Variants in RABL3 observed in about 807,000 individuals in gnomAD.
RABL3 encodes the protein rab-like protein 3.
Under a neutral mutation model 31.8 loss-of-function variants are expected in RABL3, and 31 were observed. The observed-to-expected ratio is 0.97, with a 90% CI of 0.73 to 1.31. The LOEUF is 1.31. RABL3 is among the 40% of genes most tolerant of loss of function. RABL3 has a pLI of 0.00. For synonymous variants in RABL3, 97 were observed against 99.9 expected (o/e 0.97, Z 0.18); for missense variants, 263 against 279.6 (o/e 0.94, Z 0.42).
chr3:120,734,750 C>T (rs1309318334), intron 1 of RABL3, among the ~76,000 whole-genome samples: 1 of 152,176 alleles, frequency 6.6e-6, no homozygotes, highest in African/African-American at 2.4e-5. Context: ...GTTTTTAGCA[C>T]AAAGGGCTGT....
At chr3:120,703,449 G>A (rs1708515670) in intron 4 of RABL3, among the ~76,000 whole-genome samples, 1 of 151,980 alleles carries the variant, frequency 6.6e-6, no homozygotes, top group South Asian at 2.1e-4. Context: ...GTGTTTAGAG[G>A]GAAATTTATA....
At chr3:120,698,197 G>A (rs933245917) in intron 5 of RABL3, among the ~76,000 whole-genome samples, 2 of 152,158 alleles carry the variant, frequency 1.3e-5, no homozygotes, top group African/African-American at 4.8e-5. Context: ...ATTATTCATA[G>A]AATAAAGTTG....
chr3:120,708,975 A>G lies in RABL3; in HGVS notation c.268+805T>C, dbSNP rs544350579. ...TATAAGGAATGAACATACTGAATAA[A>G]TGCAATGCTTACCTAATATTGAGTG... On this transcript the variant is annotated intron_variant, in intron 3 of 7. Coordinates refer to ENST00000273375, the MANE Select transcript of RABL3 (RefSeq NM_173825.5). Among the ~76,000 whole-genome samples the G allele has an allele frequency of 7.7e-4, 117 of 152,148 alleles. 1 individual carries two copies. The highest frequency in any genetic ancestry group is 2.7e-3 in the African/African-American group (113 of 41,550).
In RABL3 at chr3:120,726,271, T is replaced by TA. The variant is rs528235165; in HGVS notation, c.138+4424dup. On this transcript the variant is annotated intron_variant, in intron 2 of 7. Coordinates refer to ENST00000273375, the MANE Select transcript of RABL3 (RefSeq NM_173825.5). ...AACATATAAGCCTTTTGATTTCTGT[T>TA]AAAAAAAAACCTCTTTATTTCAAAT... Among the ~76,000 whole-genome samples the TA allele has an allele frequency of 8.7e-3, 1,314 of 151,500 alleles. 17 individuals are homozygous for TA. Among genetic ancestry groups the TA allele is most frequent in the African/African-American group, 0.027 (1,116 of 41,346 alleles).
At chr3:120,703,502 A>T (rs4676825) in intron 4 of RABL3, among the ~76,000 whole-genome samples, 1 of 151,866 alleles carries the variant, frequency 6.6e-6, no homozygotes, top group African/African-American at 2.4e-5. Flanking sequence ...GGTATCCAGT[A>T]AGTAATCTAA....
chr3:120,693,956 G>C (rs550695301), intron 6 of RABL3, among the ~76,000 whole-genome samples, 197 bp downstream of exon 6: 15 of 152,226 alleles, frequency 9.9e-5, no homozygotes, highest in African/African-American at 3.6e-4. Flanking sequence ...CCTTTACTTA[G>C]AGAACACTGG....
At chr3:120,734,633 T>G (rs1030913736) in intron 1 of RABL3, among the ~76,000 whole-genome samples, 10 of 152,142 alleles carry the variant, frequency 6.6e-5, no homozygotes, top group Non-Finnish European at 8.8e-5. Flanking sequence ...GTTTTCAAAG[T>G]GAATGCTTCC....
At chr3:120,721,488 C>T (rs1708740714) in intron 2 of RABL3, among the ~76,000 whole-genome samples, 1 of 151,902 alleles carries the variant, frequency 6.6e-6, no homozygotes, top group Non-Finnish European at 1.5e-5. Context: ...AGAACATCTA[C>T]TGAGCAAATG....
chr3:120,722,294 G>GA (rs1708753474), intron 2 of RABL3: 1 of 152,024 alleles, frequency 6.6e-6, no homozygotes, highest in Non-Finnish European at 1.5e-5. Context: ...TACGTTTGAA[G>GA]AACCAGTCTA....
rs376007861 is a variant in RABL3 at position 120,721,246 on chromosome 3, G to T, written c.138+9450C>A. 1.1e-4 allele frequency among the ~76,000 whole-genome samples: 16 copies of T among 152,316 alleles called. No homozygotes were observed. The South Asian group carries it at 2.9e-3, about 28-fold the overall frequency. ...CTGCAAAAACATGCCAAAGCGTAAA[G>T]ACCATCGAGGCTAGGAAGAAACTGC... is the stretch of plus-strand genomic sequence containing the variant. On this transcript the variant is annotated intron_variant, in intron 2 of 7. Coordinates refer to ENST00000273375, the MANE Select transcript of RABL3 (RefSeq NM_173825.5).
rs6802241 is a variant in RABL3 at position 120,685,903 on chromosome 3, G to A, written c.*3920C>T. 1.3e-5 allele frequency among the ~76,000 whole-genome samples: 2 copies of A among 152,044 alleles called. No homozygotes were observed. The highest frequency in any genetic ancestry group is 4.8e-5 in the African/African-American group (2 of 41,388). ...AGAGTAAGGGAAGAGAGAGGAAATC[G>A]TGGAATCTGCATTTTCAGCAAGCAC... On this transcript the variant is annotated 3_prime_UTR_variant, in exon 8 of 8. Coordinates refer to ENST00000273375, the MANE Select transcript of RABL3 (RefSeq NM_173825.5).
chr3:120,700,725 T>C (rs927974074), intron 4 of RABL3, among the ~76,000 whole-genome samples: 1 of 152,064 alleles, frequency 6.6e-6, no homozygotes, highest in African/African-American at 2.4e-5. Context: ...TAACATTTGG[T>C]TCAAAATAAT....
intron 6 of RABL3, among the ~76,000 whole-genome samples, chr3:120,690,764 C>T (rs923112706): frequency 1.3e-5 from 2 of 152,046 alleles, no homozygotes; most frequent in African/African-American, 4.8e-5. Flanking sequence ...ATATAAGATC[C>T]TATGCAATTC....
chr3:120,694,095 T>A (rs983097704), intron 6 of RABL3, 58 bp downstream of exon 6: 10 of 1,160,278 alleles, frequency 8.6e-6, no homozygotes, highest in South Asian at 1.4e-5. Context: ...TACAAAAAAA[T>A]TTTAAACTCT....
At chr3:120,701,734 C>T (rs1004074788) in intron 4 of RABL3, among the ~76,000 whole-genome samples, 3 of 152,266 alleles carry the variant, frequency 2.0e-5, no homozygotes, top group Non-Finnish European at 2.9e-5. Flanking sequence ...ATTTAGGTTT[C>T]ACATAACAAT....
intron 2 of RABL3, among the ~76,000 whole-genome samples, chr3:120,714,705 A>ATT (rs776192694): frequency 2.6e-5 from 4 of 151,376 alleles, no homozygotes; most frequent in Non-Finnish European, 5.9e-5. Flanking sequence ...CATATCCAGT[A>ATT]TTTTTTTTTC....
Position 120,690,469 on chromosome 3 carries a change from A to G in RABL3, c.625T>C (p.Phe209Leu), listed in dbSNP as rs780457226. The G allele has an allele frequency of 1.9e-6, 3 of 1,600,994 alleles. No individual in the cohort carries two copies. Among genetic ancestry groups the G allele is most frequent in the Non-Finnish European group, 2.6e-6 (3 of 1,168,434 alleles). ...FFDKVIEKRYFLREGNQIPGF... is the reference protein window; with the variant it reads ...FFDKVIEKRYLLREGNQIPGF... ...CCAACCTGATTACCTTCTCTTAAAA[A>G]GTATCTCTTCTCTATGACCTGTGAA... The change falls in exon 7 of 8, where the codon TTT becomes CTT. Residue 209 changes from phenylalanine to leucine, a missense_variant. Physicochemically the swap from Phe to Leu is conservative, Grantham distance 22 (BLOSUM62 0). Transcript: ENST00000273375.
chr3:120,702,485 T>C (rs1195020386), intron 4 of RABL3, among the ~76,000 whole-genome samples: 1 of 151,984 alleles, frequency 6.6e-6, no homozygotes, highest in Non-Finnish European at 1.5e-5. Context: ...TCCCACTGTG[T>C]GGCCTGGTTC....
intron 2 of RABL3, among the ~76,000 whole-genome samples, chr3:120,714,273 G>T (rs1461688811): frequency 1.3e-5 from 2 of 152,208 alleles, no homozygotes; most frequent in Non-Finnish European, 2.9e-5. Context: ...TTAGGAGGGA[G>T]TTGGTAACAA....
Sources: gnomAD v4.1 joint callset for allele counts (sites outside exome capture counted in the v4.1 genomes callset) on GRCh38, gnomAD v4.1.1 for gene constraint, MANE v1.5 for transcripts, NCBI Gene and HGNC (gene_info 2026-07-23, HGNC 2026-07-21) for gene names.